The following ATAD2B variants were observed in gnomAD, a reference collection of about 807,000 sequenced individuals.
The protein encoded by ATAD2B is ATPase family AAA domain containing 2B.
In ATAD2B, 40 loss-of-function variants were observed where a neutral mutation model predicts 167.6. The observed-to-expected ratio is 0.24, with a 90% CI of 0.19 to 0.31. ATAD2B has a LOEUF of 0.31. ATAD2B is among the 10% of genes least tolerant of loss of function. The pLI, the probability that ATAD2B is intolerant of heterozygous loss-of-function variation, is 1.00. For synonymous variants in ATAD2B, 579 were observed against 596.5 expected, an observed-to-expected ratio of 0.97 and a Z score of 0.43; for missense variants, 1,242 against 1,757.2, an observed-to-expected ratio of 0.71 and a Z score of 5.24.
chr2:23,734,039 T>C, the ATAD2B span, among the ~76,000 whole-genome samples: 2 of 152,210 alleles, frequency 1.3e-5, no homozygotes, highest in African/African-American at 4.8e-5. Flanking sequence ...GAGATGCCGT[T>C]AAGATAACTT....
downstream of ATAD2B, among the ~76,000 whole-genome samples, chr2:23,745,684 G>C (rs926995469): frequency 6.6e-6 from 1 of 152,160 alleles, no homozygotes; most frequent in Non-Finnish European, 1.5e-5. Context: ...CACAGTTGCT[G>C]TGATAATTAA....
the ATAD2B span, chr2:23,691,782 C>G: frequency 6.4e-7 from 1 of 1,551,688 alleles, no homozygotes; most frequent in Non-Finnish European, 8.7e-7. Context: ...ACACGGGCTC[C>G]CTGGTCATCG....
chr2:23,921,760 T>G (rs1474854175), intron 1 of ATAD2B, among the ~76,000 whole-genome samples: 2 of 152,214 alleles, frequency 1.3e-5, no homozygotes, highest in Non-Finnish European at 2.9e-5. Context: ...ATTGTCACGT[T>G]ACAATATATT....
At chr2:23,828,822 T>C (rs764245488) in intron 15 of ATAD2B, 27 bp downstream of exon 15, 1 of 1,462,610 alleles carries the variant, frequency 6.8e-7, no homozygotes, top group African/African-American at 1.4e-5. Context: ...ACAATGACAA[T>C]CAAAAAATTC....
chr2:23,737,919 C>T, the ATAD2B span, among the ~76,000 whole-genome samples: 9 of 151,862 alleles, frequency 5.9e-5, no homozygotes, highest in Admixed American at 1.3e-4. Flanking sequence ...CCTCAGTAGC[C>T]GATGCGATAA....
At chr2:23,826,145 A>G (rs1174651583) in intron 15 of ATAD2B, among the ~76,000 whole-genome samples, 2 of 152,296 alleles carry the variant, frequency 1.3e-5, no homozygotes, top group East Asian at 3.9e-4. Flanking sequence ...GTGAATCAGA[A>G]TCTCTGGGGG....
At chr2:23,850,355 T>C (rs753104903) in intron 13 of ATAD2B, among the ~76,000 whole-genome samples, 1 of 152,092 alleles carries the variant, frequency 6.6e-6, no homozygotes, top group Non-Finnish European at 1.5e-5. Context: ...TGAATACATG[T>C]CAAAAACTGT....
intron 7 of ATAD2B, among the ~76,000 whole-genome samples, chr2:23,880,291 C>A (rs1465559793): frequency 6.6e-6 from 1 of 152,074 alleles, no homozygotes; most frequent in East Asian, 1.9e-4. Flanking sequence ...AAAAAAAATA[C>A]AGTACATAAA....
the ATAD2B span, among the ~76,000 whole-genome samples, chr2:23,693,818 C>T: frequency 6.6e-6 from 1 of 152,158 alleles, no homozygotes; most frequent in Non-Finnish European, 1.5e-5. Context: ...GGAACACGGA[C>T]CCAGCTGGAG....
chr2:23,843,177 G>A (rs1205508693), intron 13 of ATAD2B, among the ~76,000 whole-genome samples: 1 of 152,136 alleles, frequency 6.6e-6, no homozygotes, highest in Non-Finnish European at 1.5e-5. Context: ...ACAATCAAAT[G>A]TAAGTCCTAG....
intron 22 of ATAD2B, 32 bp downstream of exon 22, chr2:23,782,837 A>T (rs761053148): frequency 7.7e-6 from 12 of 1,563,222 alleles, no homozygotes; most frequent in Non-Finnish European, 9.6e-6. Flanking sequence ...CTGATTGATT[A>T]TCAAGGGGAA....
intron 1 of ATAD2B, among the ~76,000 whole-genome samples, chr2:23,909,477 TATAC>T (rs559538783): frequency 0.012 from 1,831 of 151,810 alleles, 21 homozygotes; most frequent in Non-Finnish European, 0.019. Context: ...TACATATATA[TATAC>T]ATACATACAT....
chr2:23,689,895 G>C, the ATAD2B span: 1 of 152,342 alleles, frequency 6.6e-6, no homozygotes. Context: ...AGAAGACTAG[G>C]TGTGTGAATT....
chr2:23,915,534 C>T (rs1230227676), intron 1 of ATAD2B, among the ~76,000 whole-genome samples: 2 of 150,284 alleles, frequency 1.3e-5, no homozygotes, highest in Admixed American at 6.7e-5. Context: ...CCTGCTCAGC[C>T]TCTTGAGTAG....
the ATAD2B span, chr2:23,695,553 C>T: frequency 9.3e-7 from 1 of 1,078,538 alleles, no homozygotes; most frequent in Non-Finnish European, 1.3e-6. This position sits in a 1 kb window ranked among gnomAD's most constrained non-coding sequence, Gnocchi z 7.6. Context: ...AGCCCCACAC[C>T]ATTTCTTTCC....
At chr2:23,754,797 C>T in intron 25 of ATAD2B, 23 bp from the exon 26 acceptor site, 1 of 1,601,356 alleles carries the variant, frequency 6.2e-7, no homozygotes. Flanking sequence ...CAAAAAAATA[C>T]ACTGCAGCAA....
Position 23,754,692 on chromosome 2 carries a change from T to A in ATAD2B, c.4161A>T (p.Pro1387=). 1 of 1,613,214 alleles carries A rather than the reference T, an allele frequency of 6.2e-7. No individual in the cohort carries two copies. Among genetic ancestry groups the A allele is most frequent in the Non-Finnish European group, 8.5e-7 (1 of 1,179,394 alleles). The change falls in exon 26 of 28, where the codon CCA becomes CCT. Residue 1387 remains proline, a synonymous_variant. Coordinates refer to ENST00000238789, the MANE Select transcript of ATAD2B (RefSeq NM_017552.4). The stretch of plus-strand genomic sequence containing the variant: ...CTATAAGAGGAGGCACAGGCTCAGA[T>A]GGCTCTTCTGGAACCAGTTCCAGGC... ...TTSLELVPEE[P]SEPVPPLIVD... is the part of the protein sequence containing the mutation.
At chr2:23,838,086 A>G (rs190224410) in intron 13 of ATAD2B, among the ~76,000 whole-genome samples, 1 of 152,166 alleles carries the variant, frequency 6.6e-6, no homozygotes, top group Non-Finnish European at 1.5e-5. Context: ...CTTCCCAAAC[A>G]CACTGCTCTA....
chr2:23,898,347 C>A (rs1381025777), intron 1 of ATAD2B, among the ~76,000 whole-genome samples: 1 of 152,314 alleles, frequency 6.6e-6, no homozygotes, highest in South Asian at 2.1e-4. Flanking sequence ...AACCCTTTAT[C>A]TTAACCCAGA....
Sources: gnomAD v4.1 joint callset for allele counts (sites outside exome capture counted in the v4.1 genomes callset) on GRCh38, gnomAD v4.1.1 for gene constraint, Gnocchi (gnomAD v3.1) non-coding constraint, MANE v1.5 for transcripts, NCBI Gene and HGNC (gene_info 2026-07-23, HGNC 2026-07-21) for gene names.